The following ADAMTSL1 variants were observed in gnomAD, a reference collection of about 807,000 sequenced individuals.
ADAMTSL1 encodes the protein ADAMTS-like protein 1.
ADAMTSL1 carries 126 observed loss-of-function variants against 201.8 expected under a neutral mutation model. The ratio of observed to expected loss-of-function variants is 0.62; its 90% CI spans 0.54 to 0.72. The LOEUF (loss-of-function observed/expected upper bound fraction) is 0.72, where lower values mean the gene tolerates loss of function less well. ADAMTSL1 is among the 30% of genes least tolerant of loss of function. The pLI is 0.00. For synonymous variants in ADAMTSL1, 1,121 were observed against 903.4 expected, an observed-to-expected ratio of 1.24 and a Z score of -4.32; for missense variants, 2,679 against 2,277.8, an observed-to-expected ratio of 1.18 and a Z score of -3.59.
intron 2 of ADAMTSL1, among the ~76,000 whole-genome samples, chr9:18,241,623 C>T (rs1831066667): frequency 6.6e-6 from 1 of 151,706 alleles, no homozygotes; most frequent in South Asian, 2.1e-4. Flanking sequence ...AACAAAATGA[C>T]AAACCTTAGC....
At chr9:18,352,671 A>G (rs1401761799) in intron 2 of ADAMTSL1, among the ~76,000 whole-genome samples, 1 of 152,340 alleles carries the variant, frequency 6.6e-6, no homozygotes, top group East Asian at 1.9e-4. Flanking sequence ...AATGTACGCC[A>G]TGTGATTCCA....
chr9:18,841,005 T>C (rs1825681448), intron 23 of ADAMTSL1, among the ~76,000 whole-genome samples: 1 of 147,054 alleles, frequency 6.8e-6, no homozygotes, highest in African/African-American at 2.5e-5. Flanking sequence ...GACTTCCTCT[T>C]TTCCTAATTG....
At chr9:18,232,470 C>T (rs925435454) in intron 2 of ADAMTSL1, among the ~76,000 whole-genome samples, 1 of 152,200 alleles carries the variant, frequency 6.6e-6, no homozygotes, top group African/African-American at 2.4e-5. Context: ...AATTTACCCA[C>T]TTATCTTGTT....
At chr9:18,346,155 T>C (rs1412986671) in intron 2 of ADAMTSL1, among the ~76,000 whole-genome samples, 4 of 152,310 alleles carry the variant, frequency 2.6e-5, no homozygotes, top group Middle Eastern at 3.4e-3. Context: ...ACATTGATCT[T>C]AGTACTTTAC....
intron 2 of ADAMTSL1, among the ~76,000 whole-genome samples, chr9:18,318,693 T>C (rs1366774662): frequency 6.6e-6 from 1 of 151,706 alleles, no homozygotes; most frequent in African/African-American, 2.4e-5. Context: ...TTCTGATGTC[T>C]CCTCTAGAGG....
intron 1 of ADAMTSL1, among the ~76,000 whole-genome samples, chr9:18,059,047 C>T (rs1363533683): frequency 6.6e-6 from 1 of 152,198 alleles, no homozygotes. Context: ...TTAAGATTAA[C>T]CTCTGTTACT....
At chr9:18,180,212 C>T (rs1024796986) in intron 2 of ADAMTSL1, among the ~76,000 whole-genome samples, 8 of 152,060 alleles carry the variant, frequency 5.3e-5, no homozygotes, top group African/African-American at 1.9e-4. Flanking sequence ...CAAAAAAAGG[C>T]AGGGGTTGCA....
At chr9:18,751,675 C>T (rs1201957262) in intron 15 of ADAMTSL1, among the ~76,000 whole-genome samples, 2 of 152,128 alleles carry the variant, frequency 1.3e-5, no homozygotes, top group Non-Finnish European at 2.9e-5. Context: ...TCTAGCAGTG[C>T]CCTTGACAGG....
chr9:18,617,968 T>C (rs1226738137), intron 4 of ADAMTSL1, among the ~76,000 whole-genome samples: 1 of 152,202 alleles, frequency 6.6e-6, no homozygotes. Flanking sequence ...AAAAATTTCA[T>C]GCAGTTGCCA....
At chr9:18,892,270 T>C (rs1829326551) in intron 25 of ADAMTSL1, 119 bp from the exon 26 acceptor site, 2 of 931,180 alleles carry the variant, frequency 2.1e-6, no homozygotes, top group African/African-American at 3.4e-5. Context: ...AAGTAAATAC[T>C]GTAAAAAGGG....
intron 2 of ADAMTSL1, among the ~76,000 whole-genome samples, chr9:18,177,729 G>A (rs544738266): frequency 1.6e-4 from 25 of 152,188 alleles, no homozygotes; most frequent in South Asian, 2.1e-4. Flanking sequence ...GAGATCTTCC[G>A]GTTGCTGTCA....
chr9:18,831,598 T>A (rs77990395), intron 23 of ADAMTSL1, among the ~76,000 whole-genome samples: 3,392 of 152,320 alleles, frequency 0.022, 130 homozygotes, highest in African/African-American at 0.077. Flanking sequence ...TATTGTACTT[T>A]ATGTTGCCAC....
intron 3 of ADAMTSL1, 37 bp downstream of exon 3, chr9:18,533,329 T>G (rs1819556439): frequency 6.4e-7 from 1 of 1,574,424 alleles, no homozygotes; most frequent in Non-Finnish European, 8.7e-7. Context: ...TCATGTATTT[T>G]TGTTAGCACT....
chr9:18,319,811 A>C (rs1019125421), intron 2 of ADAMTSL1, among the ~76,000 whole-genome samples: 1 of 152,212 alleles, frequency 6.6e-6, no homozygotes, highest in Non-Finnish European at 1.5e-5. Flanking sequence ...GAATCTGTGA[A>C]TATGTTACCT....
rs1043866266 is a variant in ADAMTSL1, at chr9:18,230,741, T to A, written c.207+66760T>A. 3.3e-5 allele frequency among the ~76,000 whole-genome samples: 5 copies of A among 152,178 alleles called. No individual in the cohort carries two copies. The East Asian group carries it at 5.8e-4, about 18-fold the overall frequency. On this transcript the variant is annotated intron_variant, in intron 2 of 29. Coordinates refer to the ADAMTSL1 transcript ENST00000680146. ...CATTACTTTTTCCTAAACATTATTA[T>A]AATTAATTAATTAATTACAAATTCA...
intron 2 of ADAMTSL1, among the ~76,000 whole-genome samples, chr9:18,362,554 G>A (rs924212552): frequency 2.6e-5 from 4 of 152,146 alleles, no homozygotes; most frequent in East Asian, 3.9e-4. Context: ...CTGGCATTTT[G>A]CTGGCAGTTC....
At chr9:18,851,763 G>T (rs572669473) in intron 23 of ADAMTSL1, among the ~76,000 whole-genome samples, 1 of 152,214 alleles carries the variant, frequency 6.6e-6, no homozygotes, top group East Asian at 1.9e-4. Flanking sequence ...TACTGAAGTT[G>T]TGGGCATGCT....
At chr9:18,874,184 G>A (rs915115704) in intron 23 of ADAMTSL1, among the ~76,000 whole-genome samples, 1 of 152,044 alleles carries the variant, frequency 6.6e-6, no homozygotes, top group African/African-American at 2.4e-5. Context: ...AGTTCTAGGT[G>A]CTTTTTGGAA....
chr9:18,417,980 A>G lies in ADAMTSL1; in HGVS notation c.208-86849A>G, dbSNP rs1004651205. Among the ~76,000 whole-genome samples the G allele has an allele frequency of 2.0e-5, 3 of 152,234 alleles. No homozygotes were observed. The South Asian group carries it at 6.2e-4, about 32-fold the overall frequency. On this transcript the variant is annotated intron_variant, in intron 2 of 29. Transcript: ENST00000680146. The stretch of plus-strand genomic sequence containing the variant: ...ATATTACCAAATCAAACTCAGCAAT[A>G]CAGAGAAGAAATAATACAATATGAC...
Sources: gnomAD v4.1 joint callset for allele counts (sites outside exome capture counted in the v4.1 genomes callset) on GRCh38, gnomAD v4.1.1 for gene constraint, MANE v1.5 for transcripts, NCBI Gene and HGNC (gene_info 2026-07-23, HGNC 2026-07-21) for gene names.